The following TGFBR3 variants were observed in gnomAD, a reference collection of about 807,000 sequenced individuals.
TGFBR3 encodes transforming growth factor beta receptor 3.
In TGFBR3, 46 loss-of-function variants were observed where a neutral mutation model predicts 87.9. The ratio of observed to expected loss-of-function variants is 0.52; its 90% confidence interval spans 0.41 to 0.67. The LOEUF (loss-of-function observed/expected upper bound fraction) is 0.67, where lower values mean the gene tolerates loss of function less well. Ranked by LOEUF, TGFBR3 falls within the 30% of genes least tolerant of loss-of-function variation. The pLI, the probability that TGFBR3 is intolerant of heterozygous loss-of-function variation, is 0.00. For synonymous variants in TGFBR3, 381 were observed against 391.6 expected (o/e 0.97, Z 0.32); for missense variants, 866 against 1,041.9 (o/e 0.83, Z 2.32).
intron 3 of TGFBR3, among the ~76,000 whole-genome samples, chr1:91,793,306 A>C (rs887630369): frequency 2.2e-4 from 33 of 152,164 alleles, no homozygotes; most frequent in Non-Finnish European, 4.4e-5. Flanking sequence ...TTTATAATAG[A>C]TCTTGATACT....
intron 3 of TGFBR3, among the ~76,000 whole-genome samples, chr1:91,787,095 G>C (rs1355837397): frequency 6.6e-6 from 1 of 152,104 alleles, no homozygotes; most frequent in African/African-American, 2.4e-5. Context: ...GAGGTCAAGA[G>C]ATTGAGACCA....
intron 3 of TGFBR3, among the ~76,000 whole-genome samples, chr1:91,793,329 A>G (rs1036214599): frequency 1.1e-4 from 17 of 152,212 alleles, no homozygotes; most frequent in African/African-American, 3.9e-4. Flanking sequence ...TCTTGCACCA[A>G]TAACAAGCCA....
At chr1:91,865,136 G>A (rs1179247719) in intron 1 of TGFBR3, among the ~76,000 whole-genome samples, 1 of 149,092 alleles carries the variant, frequency 6.7e-6, no homozygotes, top group African/African-American at 2.5e-5. Flanking sequence ...CCAGGAGAGG[G>A]AAATTGCAAT....
intron 3 of TGFBR3, among the ~76,000 whole-genome samples, chr1:91,768,127 C>T (rs1164059222): frequency 6.6e-6 from 1 of 151,120 alleles, no homozygotes; most frequent in Non-Finnish European, 1.5e-5. Flanking sequence ...CAGGAGAATC[C>T]CTTAAACCCA....
intron 2 of TGFBR3, among the ~76,000 whole-genome samples, chr1:91,820,025 T>C (rs1019817228): frequency 6.6e-6 from 1 of 152,210 alleles, no homozygotes; most frequent in African/African-American, 2.4e-5. Context: ...GAGATTATTA[T>C]AAGACTCAAA....
chr1:91,881,140 T>C (rs1679064351), intron 1 of TGFBR3, among the ~76,000 whole-genome samples: 1 of 152,148 alleles, frequency 6.6e-6, no homozygotes, highest in African/African-American at 2.4e-5. Context: ...AACTGTTCTG[T>C]CTGTTAAGCT....
At chr1:91,896,621 CA>C (rs984733703) in intron 2 of TGFBR3, among the ~76,000 whole-genome samples, 6 of 152,144 alleles carry the variant, frequency 3.9e-5, no homozygotes, top group African/African-American at 1.4e-4. Context: ...TAGGCTGGAG[CA>C]AATAAGCCTG....
chr1:91,746,811 C>G (rs1332143661), intron 4 of TGFBR3, among the ~76,000 whole-genome samples: 1 of 152,010 alleles, frequency 6.6e-6, no homozygotes, highest in Non-Finnish European at 1.5e-5. Context: ...AAGGATCTAC[C>G]CAAGGCACAC....
At chr1:91,879,017 C>T (rs1360808784) in intron 1 of TGFBR3, among the ~76,000 whole-genome samples, 1 of 152,090 alleles carries the variant, frequency 6.6e-6, no homozygotes, top group African/African-American at 2.4e-5. Flanking sequence ...GCCTGTAATC[C>T]CTGCACTTTG....
At chr1:91,882,385 C>T (rs1232969752) in intron 1 of TGFBR3, among the ~76,000 whole-genome samples, 2 of 151,684 alleles carry the variant, frequency 1.3e-5, no homozygotes, top group Non-Finnish European at 2.9e-5. Context: ...GATCCACCTG[C>T]CTCGGCCTCC....
chr1:91,819,194 C>T (rs544242272), intron 2 of TGFBR3, among the ~76,000 whole-genome samples: 5 of 152,190 alleles, frequency 3.3e-5, no homozygotes, highest in South Asian at 2.1e-4. Flanking sequence ...ATGGTGAAAC[C>T]GTGTCTCTAC....
chr1:91,902,271 T>TTGTG (rs200355608), intron 1 of TGFBR3, among the ~76,000 whole-genome samples: 62,753 of 147,724 alleles, frequency 0.42, 13,496 homozygotes, highest in Non-Finnish European at 0.49. Context: ...TCCTTTTCTT[T>TTGTG]TGTGTGTGTG....
intron 3 of TGFBR3, among the ~76,000 whole-genome samples, chr1:91,775,951 A>G (rs1674551981): frequency 6.6e-6 from 1 of 152,234 alleles, no homozygotes; most frequent in African/African-American, 2.4e-5. Flanking sequence ...CTATTCAGCA[A>G]TATTTTGGCA....
At position 91,680,871 on chromosome 1, in the gene TGFBR3, T is replaced by C. The variant is rs1458341551; in HGVS notation, c.*2868A>G. On this transcript the variant is annotated 3_prime_UTR_variant, in exon 17 of 17. Coordinates refer to ENST00000212355, the MANE Select transcript of TGFBR3 (RefSeq NM_003243.5). ...CAAGGCAAAGAAAAAAACCATTTTTTTTGTTTAGAAAATGCTATAGAAACA... is the reference window on the plus strand; with the variant it reads ...CAAGGCAAAGAAAAAAACCATTTTTCTTGTTTAGAAAATGCTATAGAAACA... 3 of 447,736 alleles carry C rather than the reference T, an allele frequency of 6.7e-6. No homozygotes were observed. The Admixed American group carries it at 7.2e-5, about 11-fold the overall frequency. 27.7% of individuals were successfully genotyped at this position (447,736 alleles called of 1,614,324 possible).
At chr1:91,836,458 C>T (rs570231585) in intron 2 of TGFBR3, among the ~76,000 whole-genome samples, 4 of 151,838 alleles carry the variant, frequency 2.6e-5, no homozygotes, top group Admixed American at 6.6e-5. Context: ...ACCGAGGTTA[C>T]ACAGCTACTC....
intron 14 of TGFBR3, among the ~76,000 whole-genome samples, chr1:91,707,301 G>GA (rs1671830138): frequency 6.6e-6 from 1 of 152,172 alleles, no homozygotes; most frequent in Non-Finnish European, 1.5e-5. Flanking sequence ...CATTTTGAGG[G>GA]AGCACATTCA....
At chr1:91,759,481 T>C (rs1448548681) in intron 3 of TGFBR3, among the ~76,000 whole-genome samples, 59 of 149,888 alleles carry the variant, frequency 3.9e-4, no homozygotes, top group Non-Finnish European at 1.5e-5. Context: ...TTGCAGGTCA[T>C]CACTGTTGTC....
intron 1 of TGFBR3, among the ~76,000 whole-genome samples, chr1:91,862,866 T>A (rs1262870620): frequency 6.6e-6 from 1 of 152,246 alleles, no homozygotes; most frequent in Non-Finnish European, 1.5e-5. Context: ...TGTGGCCTTG[T>A]CATCCTCACT....
At chr1:91,785,713 G>A (rs1674931391) in intron 3 of TGFBR3, among the ~76,000 whole-genome samples, 1 of 151,336 alleles carries the variant, frequency 6.6e-6, no homozygotes. Flanking sequence ...TTTCTTCTGG[G>A]AATCCTTCCC....
Sources: allele counts gnomAD v4.1 joint callset (sites outside exome capture counted in the v4.1 genomes callset), GRCh38; gene constraint gnomAD v4.1.1; transcripts MANE v1.5; gene names NCBI Gene and HGNC (gene_info 2026-07-23, HGNC 2026-07-21).